Variants in ERBB4 observed in about 807,000 individuals in gnomAD.
The protein encoded by ERBB4 is receptor tyrosine-protein kinase erbB-4.
ERBB4 carries 42 observed loss-of-function variants against 158.0 expected under a neutral mutation model. The observed-to-expected ratio is 0.27, with a 90% CI of 0.21 to 0.34. The LOEUF (loss-of-function observed/expected upper bound fraction) is 0.34, where lower values mean the gene tolerates loss of function less well. ERBB4 is among the 10% of genes least tolerant of loss of function. The pLI is 1.00. For missense variants in ERBB4, 1,333 were observed against 1,624.1 expected (o/e 0.82, Z 3.08); for synonymous variants, 583 against 558.7 (o/e 1.04, Z -0.61).
At chr2:212,002,632 T>C (rs2076133048) in intron 2 of ERBB4, among the ~76,000 whole-genome samples, 1 of 151,992 alleles carries the variant, frequency 6.6e-6, no homozygotes, top group Non-Finnish European at 1.5e-5. Context: ...CAAAAGAAAC[T>C]GATGATGATA....
chr2:212,066,214 A>C (rs979543245), intron 2 of ERBB4, among the ~76,000 whole-genome samples: 2 of 152,002 alleles, frequency 1.3e-5, no homozygotes, highest in East Asian at 3.9e-4. Flanking sequence ...TTGTGTCCTA[A>C]ACTCCTCAAA....
intron 1 of ERBB4, among the ~76,000 whole-genome samples, chr2:212,204,500 C>G (rs1483501901): frequency 1.3e-5 from 2 of 151,986 alleles, no homozygotes; most frequent in Non-Finnish European, 2.9e-5. Flanking sequence ...GAGTTCGAAA[C>G]AAGCCTGGGC....
At chr2:211,418,053 C>A (rs1218079541) in intron 25 of ERBB4, among the ~76,000 whole-genome samples, 1 of 150,390 alleles carries the variant, frequency 6.6e-6, no homozygotes, top group African/African-American at 2.5e-5. Flanking sequence ...TTAATTAGTG[C>A]GCAGTGGAGC....
rs1574797200 is a variant in ERBB4, at chr2:212,373,953, T to TCC, written c.82+164495_82+164496insGG. Among the ~76,000 whole-genome samples the TCC allele has an allele frequency of 9.0e-5, 10 of 111,042 alleles. 1 individual carries two copies. The highest frequency in any genetic ancestry group is 1.7e-4 in the African/African-American group (5 of 29,882). 72.8% of individuals were successfully genotyped at this position (111,042 alleles called of 152,430 possible). ...TCCATATATATCCATATATATATCA[T>TCC]ATATATATCCATATATATCCATATA... On this transcript the variant is annotated intron_variant, in intron 1 of 27. Coordinates refer to ENST00000342788, the MANE Select transcript of ERBB4 (RefSeq NM_005235.3).
intron 19 of ERBB4, among the ~76,000 whole-genome samples, chr2:211,610,185 T>C (rs770816898): frequency 6.6e-6 from 1 of 152,176 alleles, no homozygotes. Context: ...TTATTAGATT[T>C]TTAGATGTGT....
intron 3 of ERBB4, among the ~76,000 whole-genome samples, chr2:211,895,350 T>A (rs2079070802): frequency 1.3e-5 from 2 of 152,154 alleles, no homozygotes; most frequent in Admixed American, 6.5e-5. Flanking sequence ...CTCGAACTCC[T>A]GGGCTAAAGT....
At chr2:211,557,527 T>G (rs1202655572) in intron 20 of ERBB4, among the ~76,000 whole-genome samples, 2 of 152,092 alleles carry the variant, frequency 1.3e-5, no homozygotes, top group Non-Finnish European at 2.9e-5. Context: ...TCAACATCAC[T>G]GATCATTAGA....
At position 211,546,813 on chromosome 2, in the gene ERBB4, A is replaced by C. The variant is rs368586779; in HGVS notation, c.2487+15090T>G. Among the ~76,000 whole-genome samples the C allele has an allele frequency of 1.3e-3, 198 of 152,284 alleles. 2 individuals are homozygous for C. The South Asian group carries it at 0.04, about 31-fold the overall frequency. On this transcript the variant is annotated intron_variant, in intron 20 of 27. Transcript: ENST00000342788. ...AATGCTAGAATCAAGCTTAGTGTCC[A>C]GAATATTGTATGCCCATTTTAGCGT...
chr2:212,137,657 C>G (rs551000992), intron 1 of ERBB4, among the ~76,000 whole-genome samples: 7 of 152,176 alleles, frequency 4.6e-5, no homozygotes, highest in African/African-American at 1.7e-4. Flanking sequence ...GTCTTTATAA[C>G]AGAATGATTT....
At chr2:212,041,322 G>A (rs1436489808) in intron 2 of ERBB4, among the ~76,000 whole-genome samples, 1 of 151,682 alleles carries the variant, frequency 6.6e-6, no homozygotes, top group African/African-American at 2.4e-5. Context: ...ACTGTAAACA[G>A]ATATATCTAA....
chr2:211,431,353 T>G (rs2063745005), intron 20 of ERBB4, among the ~76,000 whole-genome samples: 1 of 152,204 alleles, frequency 6.6e-6, no homozygotes, highest in African/African-American at 2.4e-5. Flanking sequence ...TAGATCATTA[T>G]TTTTCCAAGT....
intron 3 of ERBB4, among the ~76,000 whole-genome samples, chr2:211,874,691 A>C (rs2078447220): frequency 6.6e-6 from 1 of 152,062 alleles, no homozygotes; most frequent in Non-Finnish European, 1.5e-5. Context: ...TTGACTCTTC[A>C]CTGCTCCTTA....
chr2:212,186,359 T>A (rs1043317032), intron 1 of ERBB4, among the ~76,000 whole-genome samples: 1 of 152,190 alleles, frequency 6.6e-6, no homozygotes, highest in Non-Finnish European at 1.5e-5. Context: ...CAAGAGTGTC[T>A]GATAATCTGT....
intron 2 of ERBB4, among the ~76,000 whole-genome samples, chr2:211,967,988 T>C (rs758773868): frequency 1.3e-5 from 2 of 152,010 alleles, no homozygotes; most frequent in South Asian, 2.1e-4. Context: ...ACAATTTTTA[T>C]TGAAACTGCA....
chr2:212,443,004 G>C (rs1027263166), intron 1 of ERBB4, among the ~76,000 whole-genome samples: 5 of 152,232 alleles, frequency 3.3e-5, no homozygotes, highest in Non-Finnish European at 5.9e-5. Flanking sequence ...TCCAATTGCA[G>C]CTCTTGTACC....
chr2:211,523,446 T>C (rs60712970), intron 20 of ERBB4, among the ~76,000 whole-genome samples: 18,315 of 151,076 alleles, frequency 0.12, 1,894 homozygotes, highest in African/African-American at 0.29. Context: ...AATGAAGCGG[T>C]GGACCCTTGC....
chr2:212,263,680 ATT>A (rs2085026362), intron 1 of ERBB4, among the ~76,000 whole-genome samples: 2 of 152,054 alleles, frequency 1.3e-5, no homozygotes, highest in Admixed American at 1.3e-4. Context: ...TGCTTAATAC[ATT>A]TTTCTCTAAT....
intron 2 of ERBB4, among the ~76,000 whole-genome samples, chr2:212,115,579 A>T (rs2079547904): frequency 6.6e-6 from 1 of 152,232 alleles, no homozygotes; most frequent in Non-Finnish European, 1.5e-5. Context: ...GTAAAGAAAT[A>T]ACTTTTACAT....
chr2:211,696,651 T>G (rs1395287255), intron 12 of ERBB4, among the ~76,000 whole-genome samples: 2 of 136,036 alleles, frequency 1.5e-5, no homozygotes, highest in Admixed American at 7.8e-5. Context: ...ATTAATCACA[T>G]TTTCATTATT....
Sources: gnomAD v4.1 joint callset for allele counts (sites outside exome capture counted in the v4.1 genomes callset) on GRCh38, gnomAD v4.1.1 for gene constraint, MANE v1.5 for transcripts, NCBI Gene and HGNC (gene_info 2026-07-23, HGNC 2026-07-21) for gene names.